Variants in ADARB2 observed in about 807,000 individuals in gnomAD.
The protein encoded by ADARB2 is adenosine deaminase RNA specific B2 (inactive), also known as inactive double-stranded RNA-specific editase B2.
ADARB2 carries 25 observed loss-of-function variants against 62.2 expected under a neutral mutation model. The observed-to-expected ratio is 0.40, with a 90% CI of 0.29 to 0.56. The LOEUF (loss-of-function observed/expected upper bound fraction) is 0.56. Among genes scored for constraint, ADARB2 ranks in the 20% least tolerant of loss-of-function variants. The pLI, the probability that ADARB2 is intolerant of heterozygous loss-of-function variation, is 0.43. For synonymous variants in ADARB2, 572 were observed against 500.8 expected (o/e 1.14, Z -1.90); for missense variants, 1,071 against 1,077.4 (o/e 0.99, Z 0.08).
At chr10:1,199,621 C>CCAGGTGGGCAGGTGGGCGGCCAGGTGGG (rs1836957437) in intron 8 of ADARB2, 1 of 238,114 alleles carries the variant, frequency 4.2e-6, no homozygotes, top group Non-Finnish European at 8.0e-6. Context: ...CTGTGGGCGG[C>CCAGGTGGGCAGGTGGGCGGCCAGGTGGG]CAGGTGGGCA....
intron 1 of ADARB2, among the ~76,000 whole-genome samples, chr10:1,621,972 G>T (rs1833709300): frequency 6.6e-6 from 1 of 152,150 alleles, no homozygotes; most frequent in Admixed American, 6.5e-5. Flanking sequence ...TATACTAGCT[G>T]ATTTCAAAAT....
At chr10:1,289,896 G>T (rs749415848) in intron 3 of ADARB2, 1 of 151,906 alleles carries the variant, frequency 6.6e-6, no homozygotes, top group African/African-American at 2.4e-5. Flanking sequence ...GCCCTCCCAC[G>T]TGTGCAAGGA....
chr10:1,600,562 C>T lies in ADARB2; in HGVS notation c.100+136489G>A, dbSNP rs2813399. ...CTGTAATCCCAGCTACTCCGAAGTC[C>T]GAGTCATGAGGATCACTTGAACTCA... On this transcript the variant is annotated intron_variant, in intron 1 of 9. Transcript: ENST00000381312. 1.7e-3 allele frequency among the ~76,000 whole-genome samples: 257 copies of T among 147,296 alleles called. 1 individual carries two copies. Among genetic ancestry groups the T allele is most frequent in the African/African-American group, 6.2e-3 (248 of 39,736 alleles).
intron 1 of ADARB2, among the ~76,000 whole-genome samples, chr10:1,576,168 T>G (rs1419107044): frequency 1.3e-3 from 53 of 41,548 alleles, no homozygotes; most frequent in South Asian, 1.9e-3. Context: ...AGGAGGGGGG[T>G]TCAGGGTCAC....
chr10:1,328,996 T>TAAA (rs376461606), intron 3 of ADARB2, among the ~76,000 whole-genome samples: 14,300 of 75,430 alleles, frequency 0.19, 1,754 homozygotes, highest in Non-Finnish European at 0.25. Flanking sequence ...GACCCTGTCT[T>TAAA]AAAAAAAAAA....
intron 1 of ADARB2, among the ~76,000 whole-genome samples, chr10:1,538,816 C>A (rs1334732905): frequency 1.3e-5 from 2 of 152,162 alleles, no homozygotes; most frequent in Non-Finnish European, 2.9e-5. Context: ...TGCCGCCTGA[C>A]CCTGGCTGCT....
chr10:1,548,194 G>A (rs1832555758), intron 1 of ADARB2, among the ~76,000 whole-genome samples: 1 of 152,104 alleles, frequency 6.6e-6, no homozygotes, highest in African/African-American at 2.4e-5. Flanking sequence ...TCCAGCTGGT[G>A]TCATTGCACA....
chr10:1,267,010 C>G (rs1239444320), intron 4 of ADARB2, among the ~76,000 whole-genome samples: 1 of 151,138 alleles, frequency 6.6e-6, no homozygotes, highest in Non-Finnish European at 1.5e-5. Context: ...TAGAGTGTTG[C>G]AAATTTAACA....
chr10:1,520,323 A>G (rs746371170), intron 1 of ADARB2, among the ~76,000 whole-genome samples: 6 of 152,214 alleles, frequency 3.9e-5, no homozygotes, highest in Non-Finnish European at 8.8e-5. Flanking sequence ...ATGTGTATAA[A>G]AATATATCTG....
At chr10:1,455,707 T>C (rs1278454818) in intron 1 of ADARB2, among the ~76,000 whole-genome samples, 1 of 152,220 alleles carries the variant, frequency 6.6e-6, no homozygotes, top group Non-Finnish European at 1.5e-5. Flanking sequence ...CATTTACGAT[T>C]GTCAATTTCC....
chr10:1,600,144 G>A (rs574675882), intron 1 of ADARB2, among the ~76,000 whole-genome samples: 1 of 152,246 alleles, frequency 6.6e-6, no homozygotes, highest in South Asian at 2.1e-4. Flanking sequence ...GCCACATGTG[G>A]TATAAATAGT....
At chr10:1,648,263 C>T (rs1302079396) in intron 1 of ADARB2, among the ~76,000 whole-genome samples, 3 of 152,154 alleles carry the variant, frequency 2.0e-5, no homozygotes, top group Non-Finnish European at 4.4e-5. Context: ...TCCATAGTAA[C>T]AGTCTCTTCA....
chr10:1,427,476 T>A lies in ADARB2; in HGVS notation c.101-48316A>T, dbSNP rs370125287. ...TGGCAAATAGGCATATGAAAAGATG[T>A]TCAATGTCATTAGCCATTAAGGAGA... is the stretch of plus-strand genomic sequence containing the variant. On this transcript the variant is annotated intron_variant, in intron 1 of 9. Coordinates refer to ENST00000381312, the MANE Select transcript of ADARB2 (RefSeq NM_018702.4). 2.0e-5 allele frequency among the ~76,000 whole-genome samples: 3 copies of A among 152,362 alleles called. No individual in the cohort carries two copies. In the South Asian group the frequency reaches 6.2e-4, roughly 32 times the overall value.
Position 1,200,002 on chromosome 10 carries a change from G to A in ADARB2, c.1828C>T (p.Pro610Ser). The change falls in exon 8 of 10, where the codon CCC becomes TCC. Residue 610 changes from proline to serine, a missense_variant. Physicochemically the swap from Pro to Ser is moderately conservative, Grantham distance 74. Transcript: ENST00000381312. ...GGCCGGTTGTGCCGGTAGGAGGCGGGCAGCTGGCCGACACCCTCCATGCGG... is the reference window on the plus strand; with the variant it reads ...GGCCGGTTGTGCCGGTAGGAGGCGGACAGCTGGCCGACACCCTCCATGCGG... ...SHRMEGVGQL[P>S]ASYRHNRPLL... is the part of the protein sequence containing the mutation. 3.8e-6 allele frequency: 6 copies of A among 1,576,258 alleles called. No homozygotes were observed. The highest frequency in any genetic ancestry group is 5.2e-6 in the Non-Finnish European group (6 of 1,164,332).
At chr10:1,379,011 AG>A in intron 2 of ADARB2, 62 bp downstream of exon 2, 1 of 1,453,394 alleles carries the variant, frequency 6.9e-7, no homozygotes, top group Admixed American at 1.7e-5. Flanking sequence ...TGGGGACTGC[AG>A]GGGACCCCTG....
rs534980159 is a variant in ADARB2, at chr10:1,426,040, C to T, written c.101-46880G>A. On this transcript the variant is annotated intron_variant, in intron 1 of 9. Coordinates refer to ENST00000381312, the MANE Select transcript of ADARB2 (RefSeq NM_018702.4). This position sits in a 1 kb window ranked among gnomAD's most constrained non-coding sequence, Gnocchi z 4.1. ...TTCAGGAGGTTAGAGTTTCCTTCCT[C>T]GACTCAAGCAGTCATTCTGAGCATG... Among the ~76,000 whole-genome samples, 2 of 152,248 alleles carry T rather than the reference C, an allele frequency of 1.3e-5. No individual in the cohort carries two copies. The highest frequency in any genetic ancestry group is 2.4e-5 in the African/African-American group (1 of 41,536).
chr10:1,673,520 G>T (rs1353066311), intron 1 of ADARB2, among the ~76,000 whole-genome samples: 1 of 152,164 alleles, frequency 6.6e-6, no homozygotes, highest in African/African-American at 2.4e-5. Flanking sequence ...TTACTTTCTA[G>T]TAGTAGTCAC....
At chr10:1,591,218 C>A (rs1444987203) in intron 1 of ADARB2, among the ~76,000 whole-genome samples, 5 of 152,204 alleles carry the variant, frequency 3.3e-5, no homozygotes, top group Non-Finnish European at 7.3e-5. Flanking sequence ...GGAGAAGCCA[C>A]CCTGAATCCA....
intron 1 of ADARB2, among the ~76,000 whole-genome samples, chr10:1,714,448 C>A (rs12571115): frequency 0.23 from 34,510 of 152,176 alleles, 4,447 homozygotes; most frequent in South Asian, 0.42. Flanking sequence ...TTGGTCAAAG[C>A]TGCCTCTAGG....
Sources: gnomAD v4.1 joint callset for allele counts (sites outside exome capture counted in the v4.1 genomes callset) on GRCh38, gnomAD v4.1.1 for gene constraint, Gnocchi (gnomAD v3.1) non-coding constraint, MANE v1.5 for transcripts, NCBI Gene and HGNC (gene_info 2026-07-23, HGNC 2026-07-21) for gene names.